The following TRARG1 variants were observed in gnomAD, a reference collection of about 807,000 sequenced individuals.
TRARG1 encodes the protein trafficking regulator of GLUT4 1.
TRARG1 carries 16 observed loss-of-function variants against 13.3 expected under a neutral mutation model. That is an observed-to-expected ratio of 1.20 (90% CI 0.81 to 1.83). The LOEUF is 1.83. Among genes scored for constraint, TRARG1 ranks in the 40% most tolerant of loss-of-function variants. The pLI, the probability that TRARG1 is intolerant of heterozygous loss-of-function variation, is 0.00. For missense variants in TRARG1, 250 were observed against 237.4 expected (o/e 1.05, Z -0.35); for synonymous variants, 113 against 106.2 (o/e 1.06, Z -0.39).
intron 1 of TRARG1, among the ~76,000 whole-genome samples, chr17:1,292,558 TA>T (rs1486931770): frequency 6.6e-6 from 1 of 152,190 alleles, no homozygotes; most frequent in South Asian, 2.1e-4. Flanking sequence ...CAGTCCCTCC[TA>T]CCTCCTCAGT....
chr17:1,283,819 A>AAT lies in TRARG1; in HGVS notation c.387+3432_387+3433insTA, dbSNP rs1555631069. ...GTGAGATTCTATCTCAAAAAAAATA[A>AAT]AATAAAATAAAGGGCCGGGAGTGGT... is the stretch of plus-strand genomic sequence containing the variant. On this transcript the variant is annotated intron_variant, in intron 1 of 2. Transcript: ENST00000333813. 2.3e-3 allele frequency among the ~76,000 whole-genome samples: 341 copies of AAT among 150,822 alleles called. 2 individuals are homozygous for AAT. The highest frequency in any genetic ancestry group is 8.1e-3 in the African/African-American group (334 of 41,070).
intron 1 of TRARG1, 127 bp from the exon 2 acceptor site, chr17:1,295,364 G>A: frequency 1.6e-6 from 2 of 1,233,586 alleles, no homozygotes; most frequent in East Asian, 2.5e-5. Flanking sequence ...TAGAGTGTGG[G>A]CTGCCATGGG....
At chr17:1,292,596 C>G (rs1302302698) in intron 1 of TRARG1, among the ~76,000 whole-genome samples, 1 of 152,244 alleles carries the variant, frequency 6.6e-6, no homozygotes, top group East Asian at 1.9e-4. Flanking sequence ...AACATCTACA[C>G]ATTTGCCATG....
chr17:1,286,522 T>C (rs2072024162), intron 1 of TRARG1, among the ~76,000 whole-genome samples: 1 of 140,712 alleles, frequency 7.1e-6, no homozygotes, highest in African/African-American at 2.7e-5. Context: ...GTTATCGGCC[T>C]GTGGGGTGTT....
chr17:1,287,391 C>T (rs950358861), intron 1 of TRARG1, among the ~76,000 whole-genome samples: 2 of 151,772 alleles, frequency 1.3e-5, no homozygotes, highest in African/African-American at 4.8e-5. Context: ...GACAGAGTCT[C>T]GCTCTGTCAC....
At chr17:1,281,839 G>A (rs530555153) in intron 1 of TRARG1, among the ~76,000 whole-genome samples, 1 of 152,110 alleles carries the variant, frequency 6.6e-6, no homozygotes, top group South Asian at 2.1e-4. Context: ...CAGGGTGCAG[G>A]CTGGGCAGGA....
At chr17:1,294,468 CT>C (rs542504095) in intron 1 of TRARG1, among the ~76,000 whole-genome samples, 3,144 of 113,406 alleles carry the variant, frequency 0.028, 125 homozygotes, top group African/African-American at 0.097. Flanking sequence ...AAGACAGTGT[CT>C]TTTTTTTTTT....
chr17:1,284,736 A>C (rs1192935782), intron 1 of TRARG1, among the ~76,000 whole-genome samples: 1 of 151,994 alleles, frequency 6.6e-6, no homozygotes, highest in Non-Finnish European at 1.5e-5. Flanking sequence ...GCTGGAGTGC[A>C]GTGGCGCAAT....
chr17:1,282,078 A>ACATATATGCG (rs1555630767), intron 1 of TRARG1, among the ~76,000 whole-genome samples: 78 of 150,900 alleles, frequency 5.2e-4, no homozygotes, highest in African/African-American at 1.8e-3. Flanking sequence ...ACATATATAC[A>ACATATATGCG]TATATGTACA....
intron 1 of TRARG1, among the ~76,000 whole-genome samples, chr17:1,294,468 C>CTTTT (rs542504095): frequency 0.024 from 2,682 of 113,342 alleles, 235 homozygotes; most frequent in African/African-American, 0.092. Context: ...AAGACAGTGT[C>CTTTT]TTTTTTTTTT....
rs200482065 is a variant in TRARG1, at chr17:1,282,216, A to G, written c.387+1828A>G. Among the ~76,000 whole-genome samples the G allele has an allele frequency of 1.7e-3, 209 of 123,414 alleles. 4 individuals carry two copies. The highest frequency in any genetic ancestry group is 1.4e-3 in the Non-Finnish European group (78 of 57,430). 81.0% of individuals were successfully genotyped at this position (123,414 alleles called of 152,430 possible). A position where few individuals can be genotyped will look rare whatever the true frequency, so the allele number is the denominator to read the frequency against. On this transcript the variant is annotated intron_variant, in intron 1 of 2. Transcript: ENST00000333813. Reference sequence around the variant, plus strand: ...CGTGTACACGTGCGTATATGTACGTATACACGTGCGTATATGTACGTATAT... The same window carrying G: ...CGTGTACACGTGCGTATATGTACGTGTACACGTGCGTATATGTACGTATAT...
At chr17:1,293,895 G>T (rs925095142) in intron 1 of TRARG1, among the ~76,000 whole-genome samples, 1 of 152,066 alleles carries the variant, frequency 6.6e-6, no homozygotes, top group African/African-American at 2.4e-5. Context: ...CTTCCTCAGG[G>T]AGGTGGGGCT....
rs1205639597 is a variant in TRARG1, at chr17:1,280,122, C to G, written c.121C>G (p.Leu41Val). The G allele has an allele frequency of 2.5e-6, 4 of 1,613,914 alleles. No individual in the cohort carries two copies. The highest frequency in any genetic ancestry group is 3.4e-6 in the Non-Finnish European group (4 of 1,180,044). ...GGCAGAGAACAAGGATGACAAGACCCTGAATCTGTCCAAGACCCTCTCGGG... is the reference window on the plus strand; with the variant it reads ...GGCAGAGAACAAGGATGACAAGACCGTGAATCTGTCCAAGACCCTCTCGGG... The part of the protein sequence containing the change: ...TKAENKDDKT[L>V]NLSKTLSGPL... Residue 41 changes from leucine to valine, a missense_variant, in exon 1 of 3, where the codon CTG becomes GTG. By Grantham distance (32) the Leu-to-Val change is conservative (BLOSUM62 1). Coordinates refer to ENST00000333813, the MANE Select transcript of TRARG1 (RefSeq NM_172367.3).
In TRARG1 at chr17:1,283,816, AT is replaced by A. The variant is rs200566540; in HGVS notation, c.387+3429del. ...AGAGTGAGATTCTATCTCAAAAAAA[AT>A]AAAATAAAATAAAGGGCCGGGAGTG... On this transcript the variant is annotated intron_variant, in intron 1 of 2. Coordinates refer to ENST00000333813, the MANE Select transcript of TRARG1 (RefSeq NM_172367.3). Among the ~76,000 whole-genome samples the A allele has an allele frequency of 6.7e-3, 994 of 147,800 alleles. 13 individuals carry two copies. Among genetic ancestry groups the A allele is most frequent in the African/African-American group, 0.024 (935 of 39,744 alleles).
At chr17:1,294,909 C>T (rs2150812003) in intron 1 of TRARG1, among the ~76,000 whole-genome samples, 1 of 152,316 alleles carries the variant, frequency 6.6e-6, no homozygotes, top group Admixed American at 6.5e-5. Context: ...TGGTCGCAAA[C>T]TCCTGGCCTC....
chr17:1,283,815 A>AT (rs1567928975), intron 1 of TRARG1, among the ~76,000 whole-genome samples: 2 of 150,164 alleles, frequency 1.3e-5, no homozygotes, highest in Non-Finnish European at 3.0e-5. Context: ...TCTCAAAAAA[A>AT]ATAAAATAAA....
Position 1,279,808 on chromosome 17 carries a change from C to A in TRARG1, c.-194C>A, listed in dbSNP as rs2071957907. The A allele has an allele frequency of 1.0e-5, 6 of 581,480 alleles. No homozygotes were observed. The East Asian group carries it at 1.8e-4, about 17-fold the overall frequency. 36.0% of individuals were successfully genotyped at this position (581,480 alleles called of 1,614,324 possible). A position where few individuals can be genotyped will look rare whatever the true frequency, so the allele number is the denominator to read the frequency against. ...GCTCCGCGGGGGCAGCAGGCAGGCCCCAGCCTCTGAACTCAGCTGGCTTGA... is the reference window on the plus strand; with the variant it reads ...GCTCCGCGGGGGCAGCAGGCAGGCCACAGCCTCTGAACTCAGCTGGCTTGA... On this transcript the variant is annotated 5_prime_UTR_variant, in exon 1 of 3. Transcript: ENST00000333813.
At chr17:1,294,800 G>A (rs140811260) in intron 1 of TRARG1, among the ~76,000 whole-genome samples, 1,832 of 150,776 alleles carry the variant, frequency 0.012, 9 homozygotes, top group Middle Eastern at 0.062. Context: ...ATTCTCCTGC[G>A]TCAGCCTCCT....
chr17:1,294,257 G>A (rs961062830), intron 1 of TRARG1, among the ~76,000 whole-genome samples: 1 of 151,950 alleles, frequency 6.6e-6, no homozygotes, highest in African/African-American at 2.4e-5. Context: ...ACCCTCATCC[G>A]TTTTAGCCGT....
Sources: allele counts gnomAD v4.1 joint callset (sites outside exome capture counted in the v4.1 genomes callset), GRCh38; gene constraint gnomAD v4.1.1; transcripts MANE v1.5; gene names NCBI Gene and HGNC (gene_info 2026-07-23, HGNC 2026-07-21).